The following C8orf34 variants were observed in gnomAD, a reference collection of about 807,000 sequenced individuals.
C8orf34 encodes the protein chromosome 8 open reading frame 34.
In C8orf34, 65 loss-of-function variants were observed where a neutral mutation model predicts 68.3. The observed-to-expected ratio is 0.95, with a 90% CI of 0.78 to 1.17. The LOEUF (loss-of-function observed/expected upper bound fraction) is 1.17. C8orf34 is among the 50% of genes most tolerant of loss of function. The pLI, the probability that C8orf34 is intolerant of heterozygous loss-of-function variation, is 0.00. For synonymous variants in C8orf34, 244 were observed against 241.2 expected (o/e 1.01, Z -0.11); for missense variants, 664 against 655.4 (o/e 1.01, Z -0.14).
chr8:68,463,980 T>G (rs1811982357), intron 3 of C8orf34, among the ~76,000 whole-genome samples: 1 of 152,128 alleles, frequency 6.6e-6, no homozygotes, highest in South Asian at 2.1e-4. Context: ...GGTATTCAAT[T>G]AGGAAAAGAG....
intron 3 of C8orf34, among the ~76,000 whole-genome samples, chr8:68,452,537 C>G (rs1210501361): frequency 6.6e-6 from 1 of 150,910 alleles, no homozygotes; most frequent in African/African-American, 2.4e-5. Flanking sequence ...AGCATCTTTT[C>G]AAGTGTTTCT....
rs770119455 is a variant in C8orf34, at chr8:68,675,466, G to T, written c.1242-33528G>T. Among the ~76,000 whole-genome samples, 72 of 151,958 alleles carry T rather than the reference G, an allele frequency of 4.7e-4. 1 individual carries two copies. Among genetic ancestry groups the T allele is most frequent in the Non-Finnish European group, 1.6e-4 (11 of 67,980 alleles). On this transcript the variant is annotated intron_variant, in intron 8 of 13. Coordinates refer to ENST00000518698, the MANE Select transcript of C8orf34 (RefSeq NM_052958.4). ...GCTTTTATTAGTTTTTGCTTTGCTTGTTTGTTAGGTTGTTTCTTTTCTTCT... is the reference window on the plus strand; with the variant it reads ...GCTTTTATTAGTTTTTGCTTTGCTTTTTTGTTAGGTTGTTTCTTTTCTTCT...
chr8:68,517,705 A>G (rs1814579481), intron 5 of C8orf34, among the ~76,000 whole-genome samples: 1 of 151,824 alleles, frequency 6.6e-6, no homozygotes, highest in Non-Finnish European at 1.5e-5. Context: ...ATTATACCCA[A>G]CTCTAAAACC....
chr8:68,373,040 G>T (rs565262866), intron 1 of C8orf34, among the ~76,000 whole-genome samples: 1 of 152,062 alleles, frequency 6.6e-6, no homozygotes, highest in African/African-American at 2.4e-5. Context: ...TTGTTGCCCA[G>T]CCTGGAGTGC....
chr8:68,623,039 T>C (rs1818433626), intron 7 of C8orf34, among the ~76,000 whole-genome samples: 1 of 152,198 alleles, frequency 6.6e-6, no homozygotes, highest in Non-Finnish European at 1.5e-5. Flanking sequence ...TGTGAACAGG[T>C]TATTGTGTTA....
chr8:68,377,057 G>A (rs1040560469), intron 1 of C8orf34, among the ~76,000 whole-genome samples: 2 of 152,030 alleles, frequency 1.3e-5, no homozygotes, highest in Admixed American at 1.3e-4. Flanking sequence ...CTGAGAGGAG[G>A]AACCTTCATG....
intron 8 of C8orf34, among the ~76,000 whole-genome samples, chr8:68,707,441 G>A (rs1344234791): frequency 1.3e-5 from 2 of 152,112 alleles, no homozygotes; most frequent in Non-Finnish European, 2.9e-5. Context: ...GTTTATGCTT[G>A]AGCATATTAA....
At chr8:68,527,489 G>A (rs1490690712) in intron 6 of C8orf34, among the ~76,000 whole-genome samples, 3 of 152,080 alleles carry the variant, frequency 2.0e-5, no homozygotes, top group Non-Finnish European at 2.9e-5. Context: ...GGAGAATGGC[G>A]TGAACCCGGG....
Position 68,348,253 on chromosome 8 carries a change from G to A in C8orf34, c.327+16914G>A, listed in dbSNP as rs148056781. 6.1e-4 allele frequency among the ~76,000 whole-genome samples: 92 copies of A among 151,990 alleles called. 1 individual carries two copies. Among genetic ancestry groups the A allele is most frequent in the African/African-American group, 2.2e-3 (91 of 41,474 alleles). ...CCCATTGCTTGCTTTTGTCAGCTTTGTCAAAGATAAAATGGTCATAGATAT... is the reference window on the plus strand; with the variant it reads ...CCCATTGCTTGCTTTTGTCAGCTTTATCAAAGATAAAATGGTCATAGATAT... On this transcript the variant is annotated intron_variant, in intron 1 of 13. Coordinates refer to ENST00000518698, the MANE Select transcript of C8orf34 (RefSeq NM_052958.4).
chr8:68,479,956 G>A (rs139650035), intron 4 of C8orf34, among the ~76,000 whole-genome samples: 1 of 152,284 alleles, frequency 6.6e-6, no homozygotes, highest in Non-Finnish European at 1.5e-5. Context: ...CATTTTAAAA[G>A]AGTTATTTAT....
At chr8:68,791,065 G>A (rs1823980881) in intron 12 of C8orf34, 2 of 587,936 alleles carry the variant, frequency 3.4e-6, no homozygotes, top group Admixed American at 3.1e-5. Flanking sequence ...AAAATTTGAA[G>A]AAATATACAT....
At chr8:68,580,253 C>G (rs902860508) in intron 7 of C8orf34, among the ~76,000 whole-genome samples, 2 of 151,656 alleles carry the variant, frequency 1.3e-5, no homozygotes, top group Middle Eastern at 3.4e-3. Flanking sequence ...ATTTTTAAAG[C>G]CCTGTCTTTT....
intron 7 of C8orf34, among the ~76,000 whole-genome samples, chr8:68,633,006 GA>G (rs1243543186): frequency 1.3e-5 from 2 of 152,148 alleles, no homozygotes; most frequent in Non-Finnish European, 2.9e-5. Flanking sequence ...AAAACTGCAG[GA>G]AATGGCTTCA....
intron 10 of C8orf34, among the ~76,000 whole-genome samples, chr8:68,731,510 A>G (rs562680783): frequency 4.8e-4 from 73 of 152,346 alleles, no homozygotes; most frequent in Non-Finnish European, 9.3e-4. Flanking sequence ...TTCCTTTTTC[A>G]GAAATTAAAC....
intron 1 of C8orf34, among the ~76,000 whole-genome samples, chr8:68,410,128 A>AT (rs1809382474): frequency 6.6e-6 from 1 of 152,152 alleles, no homozygotes; most frequent in Non-Finnish European, 1.5e-5. Context: ...GAAATATAAT[A>AT]TAAGGTTGCA....
chr8:68,593,451 T>G (rs992148973), intron 7 of C8orf34, among the ~76,000 whole-genome samples: 1 of 152,084 alleles, frequency 6.6e-6, no homozygotes, highest in Non-Finnish European at 1.5e-5. Context: ...CGGGTCCATC[T>G]TTAAAACTTA....
Position 68,625,490 on chromosome 8 carries a change from G to T in C8orf34, c.1106-14886G>T, listed in dbSNP as rs1818511941. 4 of 589,740 alleles carry T rather than the reference G, an allele frequency of 6.8e-6. No individual in the cohort carries two copies. In the Admixed American group the frequency reaches 1.1e-4, roughly 16 times the overall value. 36.5% of individuals were successfully genotyped at this position (589,740 alleles called of 1,614,324 possible). A position where few individuals can be genotyped will look rare whatever the true frequency, so the allele number is the denominator to read the frequency against. ...ATGAAACAGAATTGAAAATGGTCTT[G>T]TAAAATTCCACTTGGGGTGGCGATG... On this transcript the variant is annotated intron_variant, in intron 7 of 13. Coordinates refer to ENST00000518698, the MANE Select transcript of C8orf34 (RefSeq NM_052958.4).
At chr8:68,776,968 C>A (rs1432418546) in intron 11 of C8orf34, among the ~76,000 whole-genome samples, 1 of 152,164 alleles carries the variant, frequency 6.6e-6, no homozygotes, top group Non-Finnish European at 1.5e-5. Flanking sequence ...TTGGAGATAT[C>A]CAAGGGTGTT....
intron 8 of C8orf34, among the ~76,000 whole-genome samples, chr8:68,687,939 AAAT>A (rs1393601099): frequency 6.6e-6 from 1 of 152,032 alleles, no homozygotes; most frequent in Admixed American, 6.6e-5. Context: ...CAAAACAAAA[AAAT>A]AATAATTCCA....
Sources: allele counts gnomAD v4.1 joint callset (sites outside exome capture counted in the v4.1 genomes callset), GRCh38; gene constraint gnomAD v4.1.1; transcripts MANE v1.5; gene names NCBI Gene and HGNC (gene_info 2026-07-23, HGNC 2026-07-21).